The following CFC1B variants were observed in gnomAD, a reference collection of about 807,000 sequenced individuals.
CFC1B encodes the protein cryptic family protein 1B.
At chr2:130,525,528 TG>T (rs1684391633) in intron 5 of CFC1B, among the ~76,000 whole-genome samples, 1 of 18,684 alleles carries the variant, frequency 5.4e-5, no homozygotes, top group African/African-American at 5.8e-5. Flanking sequence ...CCCAACTACT[TG>T]GGAGGCTGAG....
Sources: allele counts gnomAD v4.1 joint callset (sites outside exome capture counted in the v4.1 genomes callset), GRCh38; gene constraint gnomAD v4.1.1; transcripts MANE v1.5; gene names NCBI Gene and HGNC (gene_info 2026-07-23, HGNC 2026-07-21).